LDB2: variants seen among roughly 807,000 people sequenced by gnomAD.
The protein encoded by LDB2 is LIM domain-binding protein 2.
In LDB2, 12 loss-of-function variants were observed where a neutral mutation model predicts 44.3. The ratio of observed to expected loss-of-function variants is 0.27; its 90% CI spans 0.17 to 0.44. The LOEUF (loss-of-function observed/expected upper bound fraction) is 0.44. Ranked by LOEUF, LDB2 falls within the 20% of genes least tolerant of loss-of-function variation. LDB2 has a pLI of 1.00. For missense variants in LDB2, 344 were observed against 473.5 expected (o/e 0.73, Z 2.54); for synonymous variants, 164 against 174.8 (o/e 0.94, Z 0.49).
intron 1 of LDB2, among the ~76,000 whole-genome samples, chr4:16,885,005 T>G (rs546559097): frequency 4.6e-5 from 7 of 152,284 alleles, no homozygotes; most frequent in Admixed American, 6.5e-5. Flanking sequence ...AATCTTATTG[T>G]ACAACCTATG....
rs149916400 is a variant in LDB2 at position 16,835,622 on chromosome 4, G to A, written c.132+62732C>T. Among the ~76,000 whole-genome samples, 688 of 152,260 alleles carry A rather than the reference G, an allele frequency of 4.5e-3. 9 individuals are homozygous for A. The highest frequency in any genetic ancestry group is 0.016 in the African/African-American group (660 of 41,540). On this transcript the variant is annotated intron_variant, in intron 1 of 7. Coordinates refer to ENST00000304523, the MANE Select transcript of LDB2 (RefSeq NM_001290.5). ...TAATTTCCCCTAGGTAATTAAATTCGAATTGCTAGGTCATTGGGATAGGTG... is the reference window on the plus strand; with the variant it reads ...TAATTTCCCCTAGGTAATTAAATTCAAATTGCTAGGTCATTGGGATAGGTG...
intron 1 of LDB2, among the ~76,000 whole-genome samples, chr4:16,887,032 CAAAAAAAAAA>C (rs371783496): frequency 2.0e-5 from 1 of 50,446 alleles, no homozygotes; most frequent in African/African-American, 6.7e-5. Context: ...AACTCCGTCT[CAAAAAAAAAA>C]AAAAAAAAAA....
chr4:16,717,955 AT>A, intron 2 of LDB2, among the ~76,000 whole-genome samples: 1 of 152,142 alleles, frequency 6.6e-6, no homozygotes, highest in Non-Finnish European at 1.5e-5. Flanking sequence ...CAGAAGCTCT[AT>A]TTTTCAATAG....
intron 1 of LDB2, among the ~76,000 whole-genome samples, chr4:16,851,329 G>C (rs963905014): frequency 1.3e-5 from 2 of 152,034 alleles, no homozygotes; most frequent in Non-Finnish European, 2.9e-5. Context: ...AATAGTATGG[G>C]GAGTAAATGG....
intron 2 of LDB2, among the ~76,000 whole-genome samples, chr4:16,680,178 T>C (rs1040231846): frequency 1.3e-5 from 2 of 152,196 alleles, no homozygotes; most frequent in Non-Finnish European, 2.9e-5. Context: ...GGCATCCTTC[T>C]GAAAATCCTT....
intron 1 of LDB2, among the ~76,000 whole-genome samples, chr4:16,771,392 TTCTC>T (rs1426390096): frequency 6.6e-6 from 1 of 152,214 alleles, no homozygotes; most frequent in Non-Finnish European, 1.5e-5. Flanking sequence ...GGGACTTGAA[TTCTC>T]TCTGTCAGTG....
At chr4:16,616,735 C>T (rs1727448826) in intron 2 of LDB2, among the ~76,000 whole-genome samples, 1 of 152,154 alleles carries the variant, frequency 6.6e-6, no homozygotes, top group Admixed American at 6.5e-5. Flanking sequence ...TTTCCCAGAG[C>T]TAGGAGACCA....
At chr4:16,743,321 A>G (rs1763722066) in intron 2 of LDB2, among the ~76,000 whole-genome samples, 1 of 152,052 alleles carries the variant, frequency 6.6e-6, no homozygotes, top group Non-Finnish European at 1.5e-5. Context: ...GTCTCATATT[A>G]TAATATAATT....
At chr4:16,844,754 A>G (rs922978658) in intron 1 of LDB2, among the ~76,000 whole-genome samples, 12 of 151,924 alleles carry the variant, frequency 7.9e-5, no homozygotes, top group Admixed American at 7.2e-4. Context: ...CTTATTGTTG[A>G]TTTTCCTCAC....
intron 2 of LDB2, among the ~76,000 whole-genome samples, chr4:16,748,738 C>T (rs2109082947): frequency 6.6e-6 from 1 of 152,290 alleles, no homozygotes; most frequent in South Asian, 2.1e-4. Context: ...ATACTGCACA[C>T]ATCTCAGCTG....
chr4:16,531,132 A>G (rs1183943383), intron 5 of LDB2, among the ~76,000 whole-genome samples: 1 of 152,232 alleles, frequency 6.6e-6, no homozygotes, highest in African/African-American at 2.4e-5. Flanking sequence ...CAGGTGCTCC[A>G]TAAACACCTA....
chr4:16,873,796 G>C (rs1717501817), intron 1 of LDB2, among the ~76,000 whole-genome samples: 1 of 152,030 alleles, frequency 6.6e-6, no homozygotes, highest in African/African-American at 2.4e-5. Flanking sequence ...AATTGCCCAA[G>C]TCATAACAAT....
At chr4:16,640,803 C>A (rs1236482234) in intron 2 of LDB2, among the ~76,000 whole-genome samples, 1 of 152,072 alleles carries the variant, frequency 6.6e-6, no homozygotes, top group Non-Finnish European at 1.5e-5. Flanking sequence ...AGATTCTATG[C>A]CAGAAGGCTG....
chr4:16,898,575 A>G lies in LDB2; in HGVS notation c.-90T>C, dbSNP rs1227513347. ...CTGTGTTCTTCCCAGTACAAAGTAG[A>G]CGCACGCACACACGCTCACACACAC... On this transcript the variant is annotated 5_prime_UTR_variant, in exon 1 of 8. Coordinates refer to ENST00000304523, the MANE Select transcript of LDB2 (RefSeq NM_001290.5). The G allele has an allele frequency of 7.6e-7, 1 of 1,311,198 alleles. No individual in the cohort carries two copies. Among genetic ancestry groups the G allele is most frequent in the Non-Finnish European group, 1.1e-6 (1 of 937,664 alleles). 81.2% of individuals were successfully genotyped at this position (1,311,198 alleles called of 1,614,324 possible). A position where few individuals can be genotyped will look rare whatever the true frequency, so the allele number is the denominator to read the frequency against.
At chr4:16,835,124 G>A (rs562788361) in intron 1 of LDB2, among the ~76,000 whole-genome samples, 2 of 152,138 alleles carry the variant, frequency 1.3e-5, no homozygotes, top group Non-Finnish European at 2.9e-5. Flanking sequence ...AAGAATAGAG[G>A]CCTTAATTTC....
At chr4:16,671,333 C>T (rs543473303) in intron 2 of LDB2, among the ~76,000 whole-genome samples, 2 of 152,216 alleles carry the variant, frequency 1.3e-5, no homozygotes, top group East Asian at 3.9e-4. Flanking sequence ...TTATGAGTTT[C>T]TTCATGTGTA....
At chr4:16,886,240 A>G (rs1721665635) in intron 1 of LDB2, among the ~76,000 whole-genome samples, 1 of 152,070 alleles carries the variant, frequency 6.6e-6, no homozygotes, top group Non-Finnish European at 1.5e-5. Context: ...AAACCAACAA[A>G]CAAAAGCTGA....
intron 3 of LDB2, among the ~76,000 whole-genome samples, chr4:16,589,268 G>A (rs1247789443): frequency 6.6e-6 from 1 of 152,168 alleles, no homozygotes; most frequent in African/African-American, 2.4e-5. Flanking sequence ...GGTTAAGTGT[G>A]AGTTACTACA....
intron 6 of LDB2, among the ~76,000 whole-genome samples, chr4:16,511,654 G>A (rs577818360): frequency 6.6e-6 from 1 of 152,202 alleles, no homozygotes; most frequent in South Asian, 2.1e-4. Flanking sequence ...GTCTGGCTCA[G>A]TGGAAGAACC....
Sources: gnomAD v4.1 joint callset for allele counts (sites outside exome capture counted in the v4.1 genomes callset) on GRCh38, gnomAD v4.1.1 for gene constraint, MANE v1.5 for transcripts, NCBI Gene and HGNC (gene_info 2026-07-23, HGNC 2026-07-21) for gene names.